The following PTPRQ variants were observed in gnomAD, a reference collection of about 807,000 sequenced individuals.
The protein encoded by PTPRQ is protein tyrosine phosphatase receptor type Q.
In PTPRQ, 199 loss-of-function variants were observed where a neutral mutation model predicts 246.0. The observed-to-expected ratio is 0.81, with a 90% CI of 0.72 to 0.91. The LOEUF (loss-of-function observed/expected upper bound fraction) is 0.91, where lower values mean the gene tolerates loss of function less well. PTPRQ is among the 40% of genes least tolerant of loss of function. The pLI is 0.00. For missense variants in PTPRQ, 2,624 were observed against 2,528.4 expected (o/e 1.04, Z -0.81); for synonymous variants, 869 against 853.2 (o/e 1.02, Z -0.32).
intron 7 of PTPRQ, among the ~76,000 whole-genome samples, chr12:80,469,544 A>T (rs1420175101): frequency 6.6e-6 from 1 of 152,194 alleles, no homozygotes; most frequent in African/African-American, 2.4e-5. Flanking sequence ...CAATGATGAG[A>T]TAAATAATAA....
chr12:80,506,783 C>T, intron 16 of PTPRQ, 113 bp downstream of exon 16: 1 of 832,956 alleles, frequency 1.2e-6, no homozygotes, highest in Non-Finnish European at 1.8e-6. Context: ...AGTTGTGTAC[C>T]ATACCAGCGT....
intron 14 of PTPRQ, among the ~76,000 whole-genome samples, chr12:80,499,475 C>A (rs568587163): frequency 6.1e-4 from 93 of 151,946 alleles, no homozygotes; most frequent in Middle Eastern, 3.4e-3. Context: ...TCATTTGAAG[C>A]AAGATGAGCT....
intron 19 of PTPRQ, 89 bp downstream of exon 19, chr12:80,535,126 C>A: frequency 7.9e-7 from 1 of 1,264,174 alleles, no homozygotes; most frequent in Non-Finnish European, 1.1e-6. Context: ...AAATTGTTTA[C>A]CTTACATTGA....
At chr12:80,493,577 T>A in intron 10 of PTPRQ, 122 bp downstream of exon 10, 1 of 1,345,338 alleles carries the variant, frequency 7.4e-7, no homozygotes, top group Non-Finnish European at 9.6e-7. Context: ...GAGTCGGATT[T>A]TTTTTTAGCT....
chr12:80,679,816 A>G lies in PTPRQ; in HGVS notation c.*793A>G, dbSNP rs1278902976. 1 of 152,038 alleles carries G rather than the reference A, an allele frequency of 6.6e-6. No individual in the cohort carries two copies. Among genetic ancestry groups the G allele is most frequent in the African/African-American group, 2.4e-5 (1 of 41,444 alleles). 9.4% of individuals were successfully genotyped at this position (152,038 alleles called of 1,614,324 possible). ...GTATCAGAGTATTTGCCCATTAGATATAGTCAACCTAATATTAACAATTCT... is the reference window on the plus strand; with the variant it reads ...GTATCAGAGTATTTGCCCATTAGATGTAGTCAACCTAATATTAACAATTCT... On this transcript the variant is annotated 3_prime_UTR_variant, in exon 45 of 45. Coordinates refer to ENST00000644991, the MANE Select transcript of PTPRQ (RefSeq NM_001145026.2).
intron 8 of PTPRQ, among the ~76,000 whole-genome samples, chr12:80,478,778 A>T (rs558958531): frequency 2.0e-5 from 3 of 152,350 alleles, no homozygotes; most frequent in African/African-American, 4.8e-5. Context: ...GGGTATCAGC[A>T]ATGGAAGATG....
intron 8 of PTPRQ, among the ~76,000 whole-genome samples, chr12:80,481,963 C>T (rs1248432457): frequency 7.5e-5 from 10 of 133,722 alleles, no homozygotes; most frequent in South Asian, 5.1e-4. Flanking sequence ...AGGTAATTTA[C>T]AGATTCAATG....
intron 25 of PTPRQ, among the ~76,000 whole-genome samples, chr12:80,577,666 A>T (rs886725322): frequency 6.6e-6 from 1 of 152,186 alleles, no homozygotes; most frequent in African/African-American, 2.4e-5. Context: ...GTTTCACAGT[A>T]TGTAATTTTA....
intron 26 of PTPRQ, among the ~76,000 whole-genome samples, chr12:80,599,430 GACAA>G (rs1170378429): frequency 2.0e-5 from 3 of 151,850 alleles, no homozygotes; most frequent in African/African-American, 7.2e-5. Context: ...TTTATGGGGA[GACAA>G]ACAAAGCTCC....
intron 6 of PTPRQ, among the ~76,000 whole-genome samples, chr12:80,463,670 C>T (rs892688365): frequency 5.3e-5 from 8 of 151,894 alleles, no homozygotes; most frequent in South Asian, 2.1e-4. Flanking sequence ...GTGGATCTCT[C>T]GGCAGAAACC....
chr12:80,629,381 C>A (rs527297371), intron 33 of PTPRQ, among the ~76,000 whole-genome samples: 2 of 152,262 alleles, frequency 1.3e-5, no homozygotes, highest in Admixed American at 1.3e-4. Context: ...AATATATGAT[C>A]ATTGAGAAGG....
rs1456549279 is a variant in PTPRQ at position 80,549,472 on chromosome 12, T to C, written c.4023T>C (p.Asp1341=). The change falls in exon 25 of 45, where the codon GAT becomes GAC. Residue 1341 remains aspartate (D), a synonymous_variant. Transcript: ENST00000644991. ...VKFTTQESVP[D]VVQNMQCMAT... is the part of the protein sequence containing the mutation. ...ATATGTTTATCTCTTAAGTTCCAGA[T>C]GTCGTGCAGAATATGCAGTGCATGG... 6.5e-7 allele frequency: 1 copy of C among 1,545,118 alleles called. No individual in the cohort carries two copies. Among genetic ancestry groups the C allele is most frequent in the East Asian group, 2.4e-5 (1 of 40,854 alleles).
Position 80,680,259 on chromosome 12 carries a change from T to C in PTPRQ, c.*1236T>C, listed in dbSNP as rs1489317417. 1 of 151,466 alleles carries C rather than the reference T, an allele frequency of 6.6e-6. No individual in the cohort carries two copies. The highest frequency in any genetic ancestry group is 1.5e-5 in the Non-Finnish European group (1 of 67,726). The allele number at this position is 151,466 out of a possible 1,614,324, so 9.4% of individuals were successfully genotyped here. On this transcript the variant is annotated 3_prime_UTR_variant, in exon 45 of 45. Transcript: ENST00000644991. ...ATAAGAAATGCTATGGCCAATAAAA[T>C]TGAATTTTAATGAATTATCTTGCAG...
At chr12:80,609,174 A>T (rs35907886) in intron 27 of PTPRQ, among the ~76,000 whole-genome samples, 7,039 of 149,492 alleles carry the variant, frequency 0.047, 188 homozygotes, top group Admixed American at 0.07. Context: ...TCTTTTTTTT[A>T]AAAAAAAATT....
intron 6 of PTPRQ, 77 bp downstream of exon 6, chr12:80,460,979 T>C: frequency 2.5e-6 from 1 of 396,354 alleles, no homozygotes. Flanking sequence ...TATTTAATTT[T>C]AATCTTCTTT....
chr12:80,448,685 C>A (rs533459794), intron 3 of PTPRQ, among the ~76,000 whole-genome samples: 1 of 149,644 alleles, frequency 6.7e-6, no homozygotes, highest in East Asian at 1.9e-4. Flanking sequence ...TCATCTATGT[C>A]CCTACAAAGG....
In PTPRQ at chr12:80,502,471, G is replaced by T. The variant is rs568571873; in HGVS notation, c.2273-3553G>T. ...AAGTGGAACTAGTCAGCATAGAATG[G>T]TGTTTTATTCAGCCATTTTCAGCTA... On this transcript the variant is annotated intron_variant, in intron 14 of 44. Coordinates refer to ENST00000644991, the MANE Select transcript of PTPRQ (RefSeq NM_001145026.2). Among the ~76,000 whole-genome samples the T allele has an allele frequency of 7.1e-4, 108 of 152,028 alleles. 1 individual carries two copies. Among genetic ancestry groups the T allele is most frequent in the Non-Finnish European group, 1.2e-3 (83 of 67,902 alleles).
chr12:80,454,757 GA>G (rs984088710), intron 3 of PTPRQ, among the ~76,000 whole-genome samples: 5 of 149,128 alleles, frequency 3.4e-5, no homozygotes, highest in East Asian at 2.0e-4. Flanking sequence ...GAAAAATATT[GA>G]AAAAAAAACT....
intron 34 of PTPRQ, 153 bp from the exon 35 acceptor site, chr12:80,634,792 A>T: frequency 9.1e-7 from 1 of 1,100,776 alleles, no homozygotes; most frequent in Non-Finnish European, 1.2e-6. Flanking sequence ...AAGAAAAAGA[A>T]GTCGAGTAGC....
Sources: gnomAD v4.1 joint callset for allele counts (sites outside exome capture counted in the v4.1 genomes callset) on GRCh38, gnomAD v4.1.1 for gene constraint, MANE v1.5 for transcripts, NCBI Gene and HGNC (gene_info 2026-07-23, HGNC 2026-07-21) for gene names.